DIP2C: variants seen among roughly 807,000 people sequenced by gnomAD.
DIP2C encodes the protein DIP2 acetate--CoA ligase C (putative), also known as disco-interacting protein 2 homolog C.
In DIP2C, 33 loss-of-function variants were observed where a neutral mutation model predicts 192.4. The observed-to-expected ratio is 0.17, with a 90% CI of 0.13 to 0.23. The LOEUF is 0.23. Among genes scored for constraint, DIP2C ranks in the 10% least tolerant of loss-of-function variants. The pLI is 1.00. For missense variants in DIP2C, 1,537 were observed against 2,110.1 expected, an observed-to-expected ratio of 0.73 and a Z score of 5.32; for synonymous variants, 979 against 864.1, an observed-to-expected ratio of 1.13 and a Z score of -2.33.
chr10:449,920 CAAA>C (rs59135780), intron 3 of DIP2C, among the ~76,000 whole-genome samples: 23 of 135,892 alleles, frequency 1.7e-4, no homozygotes, highest in Admixed American at 2.8e-4. Flanking sequence ...TCAACAACAA[CAAA>C]AAAAAAAAAA....
At chr10:399,854 C>T (rs1964280248) in intron 9 of DIP2C, among the ~76,000 whole-genome samples, 1 of 152,220 alleles carries the variant, frequency 6.6e-6, no homozygotes, top group South Asian at 2.1e-4. Flanking sequence ...TCCCCTGGTG[C>T]CACACACGTG....
chr10:355,877 G>A (rs1310139294), intron 24 of DIP2C, among the ~76,000 whole-genome samples: 4 of 152,186 alleles, frequency 2.6e-5, no homozygotes, highest in African/African-American at 9.7e-5. Flanking sequence ...AGGAATTCAA[G>A]ACCATCCTCG....
intron 32 of DIP2C, among the ~76,000 whole-genome samples, chr10:306,220 C>G (rs1956314500): frequency 6.6e-6 from 1 of 151,952 alleles, no homozygotes; most frequent in African/African-American, 2.4e-5. Flanking sequence ...TGTCCCCTCA[C>G]TCTATGATGC....
chr10:493,013 T>C (rs1844557686), intron 1 of DIP2C, among the ~76,000 whole-genome samples: 1 of 152,250 alleles, frequency 6.6e-6, no homozygotes, highest in Non-Finnish European at 1.5e-5. Context: ...TCAAAGCACG[T>C]GTGCAGTGTG....
Position 386,475 on chromosome 10 carries a change from C to T in DIP2C, c.1662+1270G>A, listed in dbSNP as rs977108362. ...TAACGGTGCTGGGAACAAGCTGCTCCATCTTATCCCAGGTCCTTCAATCCC... is the reference window on the plus strand; with the variant it reads ...TAACGGTGCTGGGAACAAGCTGCTCTATCTTATCCCAGGTCCTTCAATCCC... On this transcript the variant is annotated intron_variant, in intron 14 of 36. Transcript: ENST00000280886. Among the ~76,000 whole-genome samples the T allele has an allele frequency of 2.6e-5, 4 of 152,034 alleles. No homozygotes were observed. The East Asian group carries it at 7.7e-4, about 29-fold the overall frequency.
chr10:586,378 C>T (rs1253911122), intron 1 of DIP2C, among the ~76,000 whole-genome samples: 2 of 152,164 alleles, frequency 1.3e-5, no homozygotes, highest in South Asian at 2.1e-4. Context: ...TTCCACCCCA[C>T]CACAAGCGGC....
intron 22 of DIP2C, among the ~76,000 whole-genome samples, chr10:359,951 C>T (rs766859277): frequency 9.9e-5 from 15 of 152,120 alleles, no homozygotes; most frequent in Admixed American, 8.5e-4. Flanking sequence ...CCTTGGTGAC[C>T]GATGCTGGGC....
intron 1 of DIP2C, among the ~76,000 whole-genome samples, chr10:514,155 G>A (rs1053054856): frequency 3.3e-5 from 5 of 152,142 alleles, no homozygotes; most frequent in Admixed American, 2.0e-4. Context: ...CCTGCCAGCC[G>A]CACAGCTGGC....
rs1959836954 is a variant in DIP2C, at chr10:363,781, G to A, written c.2478-470C>T. 6.6e-6 allele frequency among the ~76,000 whole-genome samples: 1 copy of A among 152,188 alleles called. No individual in the cohort carries two copies. The highest frequency in any genetic ancestry group is 2.1e-4 in the South Asian group (1 of 4,826). ...ACAGTCACCTCCAGTAAAAGAGATT[G>A]TAGCTGTAAAGATAATTCAAAGGCA... On this transcript the variant is annotated intron_variant, in intron 20 of 36. Transcript: ENST00000280886. The surrounding 1 kb of genome is among the most constrained non-coding windows in gnomAD (Gnocchi z 5.4).
intron 1 of DIP2C, among the ~76,000 whole-genome samples, chr10:569,598 C>CT (rs10571484): frequency 1.5e-4 from 23 of 151,962 alleles, no homozygotes; most frequent in Non-Finnish European, 3.1e-4. Context: ...GTTTTATATT[C>CT]TTTTTTAAAA....
chr10:348,867 G>A (rs1958650755), intron 25 of DIP2C, 105 bp from the exon 26 acceptor site: 4 of 1,500,546 alleles, frequency 2.7e-6, no homozygotes, highest in Non-Finnish European at 3.6e-6. Flanking sequence ...ACAGGGAAAC[G>A]AGCAGCTGAG....
In DIP2C at chr10:689,585, CG is replaced by C. The variant is rs1831471195; in HGVS notation, c.-8del. 2 of 1,158,738 alleles carry C rather than the reference CG, an allele frequency of 1.7e-6. No individual in the cohort carries two copies. The highest frequency in any genetic ancestry group is 2.1e-6 in the Non-Finnish European group (2 of 936,914). The allele number at this position is 1,158,738 out of a possible 1,614,324, so 71.8% of individuals were successfully genotyped here. A position where few individuals can be genotyped will look rare whatever the true frequency, so the allele number is the denominator to read the frequency against. On this transcript the variant is annotated 5_prime_UTR_variant, in exon 1 of 37. Coordinates refer to ENST00000280886, the MANE Select transcript of DIP2C (RefSeq NM_014974.3). The surrounding 1 kb of genome is among the most constrained non-coding windows in gnomAD (Gnocchi z 6.1). Reference sequence around the variant, plus strand: ...CCAGGCTGCGGTCCGCCATGCTCCGCGGGCGCCGCGCCCCGCACGGCCTCCT... The same window carrying C: ...CCAGGCTGCGGTCCGCCATGCTCCGCGGCGCCGCGCCCCGCACGGCCTCCT...
At chr10:431,225 G>C (rs1388033036) in intron 4 of DIP2C, among the ~76,000 whole-genome samples, 1 of 152,012 alleles carries the variant, frequency 6.6e-6, no homozygotes, top group Non-Finnish European at 1.5e-5. Context: ...TTTTGAATCA[G>C]TGTGTTGATA....
intron 1 of DIP2C, among the ~76,000 whole-genome samples, chr10:576,310 G>A (rs1850152762): frequency 6.6e-6 from 1 of 152,162 alleles, no homozygotes; most frequent in Non-Finnish European, 1.5e-5. Flanking sequence ...CATCACACTC[G>A]AGCACTCACT....
At chr10:396,174 C>G (rs955724539) in intron 10 of DIP2C, among the ~76,000 whole-genome samples, 1 of 152,220 alleles carries the variant, frequency 6.6e-6, no homozygotes, top group Non-Finnish European at 1.5e-5. Context: ...GTCTCTACTA[C>G]CATTCAAAGG....
intron 1 of DIP2C, among the ~76,000 whole-genome samples, chr10:617,669 ACCCCTG>A (rs929352886): frequency 1.2e-4 from 7 of 57,150 alleles, no homozygotes; most frequent in East Asian, 5.8e-4. Flanking sequence ...CCCCACCCCC[ACCCCTG>A]CTTGGGGCGT....
intron 1 of DIP2C, among the ~76,000 whole-genome samples, chr10:603,319 A>AAAAC (rs1852222824): frequency 7.4e-6 from 1 of 135,426 alleles, no homozygotes; most frequent in African/African-American, 3.0e-5. Context: ...AAAAAAAAAA[A>AAAAC]AAAAAAAAAA....
intron 1 of DIP2C, among the ~76,000 whole-genome samples, chr10:618,676 C>A (rs560262406): frequency 6.6e-6 from 1 of 152,346 alleles, no homozygotes; most frequent in East Asian, 1.9e-4. Context: ...TATCACTCAG[C>A]TACAGCCTCT....
chr10:674,304 T>C (rs1317284873), intron 1 of DIP2C, among the ~76,000 whole-genome samples: 2 of 151,412 alleles, frequency 1.3e-5, no homozygotes, highest in Non-Finnish European at 2.9e-5. Flanking sequence ...TGAGCAAGAG[T>C]AGCTATATTT....
Sources: allele counts gnomAD v4.1 joint callset (sites outside exome capture counted in the v4.1 genomes callset), GRCh38; gene constraint gnomAD v4.1.1; non-coding constraint Gnocchi (gnomAD v3.1); transcripts MANE v1.5; gene names NCBI Gene and HGNC (gene_info 2026-07-23, HGNC 2026-07-21).